MYLK3: variants seen among roughly 807,000 people sequenced by gnomAD.
MYLK3 encodes the protein MLC kinase.
Under a neutral mutation model 76.3 loss-of-function variants are expected in MYLK3, and 55 were observed. That is an observed-to-expected ratio of 0.72 (90% confidence interval 0.58 to 0.90). MYLK3 has a LOEUF of 0.90. Ranked by LOEUF, MYLK3 falls within the 40% of genes least tolerant of loss-of-function variation. The pLI is 0.00. For missense variants in MYLK3, 973 were observed against 1,053.6 expected (o/e 0.92, Z 1.06); for synonymous variants, 416 against 425.4 (o/e 0.98, Z 0.27).
chr16:46,729,963 C>T, intron 5 of MYLK3: 1 of 552,848 alleles, frequency 1.8e-6, no homozygotes, highest in Non-Finnish European at 3.2e-6. Context: ...ATCCCCTTCA[C>T]CCCACACCAC....
At chr16:46,726,951 T>G in intron 8 of MYLK3, 1 of 264,226 alleles carries the variant, frequency 3.8e-6, no homozygotes, top group East Asian at 7.0e-5. Context: ...CTATGTTCCC[T>G]TTTGAACTTT....
At chr16:46,709,393 G>T in intron 12 of MYLK3, 146 bp downstream of exon 12, 1 of 888,284 alleles carries the variant, frequency 1.1e-6, no homozygotes, top group Non-Finnish European at 1.7e-6. Flanking sequence ...CTATACTCCA[G>T]CCTGGGCAAC....
rs1966878732 is a variant in MYLK3, at chr16:46,737,952, G to C, written c.760C>G (p.Pro254Ala). 1 of 1,614,106 alleles carries C rather than the reference G, an allele frequency of 6.2e-7. No homozygotes were observed. The highest frequency in any genetic ancestry group is 1.3e-5 in the African/African-American group (1 of 74,954). Residue 254 changes from proline to alanine, a missense_variant, in exon 3 of 13, where the codon CCC becomes GCC. By Grantham distance (27) the Pro-to-Ala change is conservative (BLOSUM62 -1). Coordinates refer to ENST00000394809, the MANE Select transcript of MYLK3 (RefSeq NM_182493.3). Reference protein sequence around the residue: ...TKVEAKAPETPSENLRTGLEL... With the variant: ...TKVEAKAPETASENLRTGLEL... ...AGGCCAGTCCTGAGGTTCTCGCTGG[G>C]TGTCTCAGGAGCCTTGGCTTCCACC...
intron 9 of MYLK3, among the ~76,000 whole-genome samples, chr16:46,717,544 C>T (rs1214251960): frequency 2.0e-5 from 3 of 152,132 alleles, no homozygotes; most frequent in East Asian, 1.9e-4. Context: ...CCAACCAGCC[C>T]GCACATACAC....
In MYLK3 at chr16:46,740,082, C is replaced by T. The variant is rs780857102; in HGVS notation, c.543G>A (p.Gln181=). The stretch of plus-strand genomic sequence containing the variant: ...CTTCCCCAGGCTCCCTGGCATCAGA[C>T]TGCACCCCACTGGTGCTCAGCACAT... The part of the protein sequence containing the change: ...PKHVLSTSGV[Q]SDAREPGEES... Residue 181 remains glutamine (Q), a synonymous_variant, in exon 2 of 13, where the codon CAG becomes CAA. Coordinates refer to ENST00000394809, the MANE Select transcript of MYLK3 (RefSeq NM_182493.3). 14 of 1,613,102 alleles carry T rather than the reference C, an allele frequency of 8.7e-6. No homozygotes were observed. The East Asian group carries it at 2.0e-4, about 23-fold the overall frequency.
At chr16:46,747,362 T>A (rs1313343745) in intron 1 of MYLK3, among the ~76,000 whole-genome samples, 1 of 152,146 alleles carries the variant, frequency 6.6e-6, no homozygotes, top group Non-Finnish European at 1.5e-5. Context: ...CTCCTGCCTG[T>A]CCCACCCCAT....
intron 1 of MYLK3, among the ~76,000 whole-genome samples, chr16:46,754,880 C>CA (rs1228319464): frequency 1.3e-5 from 2 of 151,002 alleles, no homozygotes; most frequent in Non-Finnish European, 2.9e-5. Flanking sequence ...TTGTGATTTG[C>CA]AAAAATGCAA....
Position 46,707,729 on chromosome 16 carries a change from A to G in MYLK3, c.2435T>C (p.Leu812Ser), listed in dbSNP as rs762775841. The G allele has an allele frequency of 8.7e-6, 14 of 1,613,176 alleles. No individual in the cohort carries two copies. Among genetic ancestry groups the G allele is most frequent in the Non-Finnish European group, 1.2e-5 (14 of 1,179,326 alleles). ...TTAGGGAGAAGTTGGAAATTTCCTT[A>G]ACCTGTTGGCAGCAGTCACCACATA... ...HFYVVTAANR[L>S]RKFPTSP The change falls in exon 13 of 13, where the codon TTA becomes TCA. Residue 812 changes from leucine (L) to serine (S), a missense_variant. This residue lies in a region of MYLK3 where 332 missense variants were observed against 416.6 expected (regional missense o/e 0.80). Coordinates refer to ENST00000394809, the MANE Select transcript of MYLK3 (RefSeq NM_182493.3).
intron 8 of MYLK3, chr16:46,726,285 G>A (rs969863317): frequency 6.6e-6 from 1 of 152,250 alleles, no homozygotes; most frequent in African/African-American, 2.4e-5. Flanking sequence ...GGCATTTGCA[G>A]CCATCTGGGC....
intron 1 of MYLK3, among the ~76,000 whole-genome samples, chr16:46,745,717 G>A (rs1967010164): frequency 6.6e-6 from 1 of 152,174 alleles, no homozygotes; most frequent in Non-Finnish European, 1.5e-5. Flanking sequence ...TTGAACTCCA[G>A]GGGTGACAGA....
chr16:46,748,335 T>C lies in MYLK3; in HGVS notation c.-142A>G, dbSNP rs531560354. On this transcript the variant is annotated 5_prime_UTR_variant, in exon 1 of 13. Coordinates refer to ENST00000394809, the MANE Select transcript of MYLK3 (RefSeq NM_182493.3). The surrounding 1 kb of genome is among the most constrained non-coding windows in gnomAD (Gnocchi z 4.3). Reference sequence around the variant, plus strand: ...GGCAGCACCAACCTCCACGATGGCCTGGGCTGTGTGAGGAGCGCAGAGGCC... The same window carrying C: ...GGCAGCACCAACCTCCACGATGGCCCGGGCTGTGTGAGGAGCGCAGAGGCC... The C allele has an allele frequency of 6.3e-4, 894 of 1,417,974 alleles. 10 individuals are homozygous for C. In the South Asian group the frequency reaches 0.013, roughly 20 times the overall value. The allele number at this position is 1,417,974 out of a possible 1,614,324, so 87.8% of individuals were successfully genotyped here.
At chr16:46,732,993 C>A (rs527958653) in intron 3 of MYLK3, among the ~76,000 whole-genome samples, 30 of 152,218 alleles carry the variant, frequency 2.0e-4, no homozygotes, top group Non-Finnish European at 3.7e-4. Flanking sequence ...GTTTCCCTTT[C>A]ACTTAAATGA....
Position 46,703,095 on chromosome 16 carries a change from C to T in MYLK3, c.*4609G>A, listed in dbSNP as rs1966592555. Among the ~76,000 whole-genome samples, 1 of 152,044 alleles carries T rather than the reference C, an allele frequency of 6.6e-6. No homozygotes were observed. Among genetic ancestry groups the T allele is most frequent in the Non-Finnish European group, 1.5e-5 (1 of 68,016 alleles). Reference sequence around the variant, plus strand: ...TACGGTTTTTTAATGCACATATAAGCATATGTCTCTTCACAAATGGGATGA... The same window carrying T: ...TACGGTTTTTTAATGCACATATAAGTATATGTCTCTTCACAAATGGGATGA... On this transcript the variant is annotated 3_prime_UTR_variant, in exon 13 of 13. Transcript: ENST00000394809.
rs1966905188 is a variant in MYLK3 at position 46,740,124 on chromosome 16, C to G, written c.501G>C (p.Glu167Asp). The change falls in exon 2 of 13, where the codon GAG (glutamate) becomes GAC (aspartate). Residue 167 changes from glutamate (E) to aspartate (D), a missense_variant. Glu to Asp is a conservative substitution (Grantham distance 45, BLOSUM62 2). Coordinates refer to ENST00000394809, the MANE Select transcript of MYLK3 (RefSeq NM_182493.3). ...TCAGCACATGCTTTGGTTTTCCTCCCTCTTCTTCCACTCGCTCTTTATTCT... is the reference window on the plus strand; with the variant it reads ...TCAGCACATGCTTTGGTTTTCCTCCGTCTTCTTCCACTCGCTCTTTATTCT... The part of the protein sequence containing the change: ...PEENKERVEE[E>D]GGKPKHVLST... The G allele has an allele frequency of 6.2e-7, 1 of 1,613,710 alleles. No individual in the cohort carries two copies. The highest frequency in any genetic ancestry group is 8.5e-7 in the Non-Finnish European group (1 of 1,179,848).
At chr16:46,747,188 C>T (rs1024326135) in intron 1 of MYLK3, among the ~76,000 whole-genome samples, 1 of 152,222 alleles carries the variant, frequency 6.6e-6, no homozygotes, top group Non-Finnish European at 1.5e-5. Context: ...CCACCCTCCA[C>T]CCCCAGGCTC....
At chr16:46,762,909 A>G in intron 1 of MYLK3, 1 of 627,776 alleles carries the variant, frequency 1.6e-6, no homozygotes, top group Non-Finnish European at 2.0e-6. Context: ...TGCAACCAAG[A>G]GCTGCTCATT....
At chr16:46,721,708 T>A (rs1966801908) in intron 8 of MYLK3, among the ~76,000 whole-genome samples, 1 of 152,242 alleles carries the variant, frequency 6.6e-6, no homozygotes, top group Non-Finnish European at 1.5e-5. Context: ...TGCTTTTAAA[T>A]GTTAACAACT....
upstream of MYLK3, among the ~76,000 whole-genome samples, chr16:46,753,137 T>A (rs887232891): frequency 6.6e-6 from 1 of 152,030 alleles, no homozygotes; most frequent in Non-Finnish European, 1.5e-5. Context: ...CAAAGGTGAA[T>A]ACAGATACAG....
intron 1 of MYLK3, among the ~76,000 whole-genome samples, chr16:46,756,338 G>A (rs574569520): frequency 6.6e-6 from 1 of 152,354 alleles, no homozygotes; most frequent in South Asian, 2.1e-4. Flanking sequence ...TGAGGGTGAG[G>A]GAGGGAAAGT....
Sources: allele counts gnomAD v4.1 joint callset (sites outside exome capture counted in the v4.1 genomes callset), GRCh38; gene constraint gnomAD v4.1.1; regional missense constraint gnomAD v4.1.1; non-coding constraint Gnocchi (gnomAD v3.1); transcripts MANE v1.5; gene names NCBI Gene and HGNC (gene_info 2026-07-23, HGNC 2026-07-21).